TTC29: variants seen among roughly 807,000 people sequenced by gnomAD.
TTC29 encodes the protein tetratricopeptide repeat protein 29.
A neutral mutation model predicts 58.1 loss-of-function variants in TTC29; 49 were observed. The ratio of observed to expected loss-of-function variants is 0.84; its 90% CI spans 0.67 to 1.07. The LOEUF is 1.07. Among genes scored for constraint, TTC29 ranks in the 50% least tolerant of loss-of-function variants. The pLI is 0.00. For missense variants in TTC29, 582 were observed against 555.6 expected, an observed-to-expected ratio of 1.05 and a Z score of -0.48; for synonymous variants, 209 against 196.8, an observed-to-expected ratio of 1.06 and a Z score of -0.52.
At chr4:146,837,185 C>T (rs1728566359) in intron 8 of TTC29, among the ~76,000 whole-genome samples, 1 of 152,110 alleles carries the variant, frequency 6.6e-6, no homozygotes. Flanking sequence ...GAGATCATGT[C>T]CCTTGCAGCA....
intron 8 of TTC29, 51 bp from the exon 9 acceptor site, chr4:146,833,948 G>T: frequency 8.1e-7 from 1 of 1,235,008 alleles, no homozygotes; most frequent in Non-Finnish European, 1.2e-6. Flanking sequence ...CAGATACGCT[G>T]ATGTTTCATT....
intron 11 of TTC29, among the ~76,000 whole-genome samples, chr4:146,791,773 T>A (rs574632182): frequency 6.6e-6 from 1 of 152,268 alleles, no homozygotes; most frequent in East Asian, 1.9e-4. Context: ...GAAAAGAAAG[T>A]TCTTGAAAGA....
rs569625361 is a variant in TTC29 at position 146,894,599 on chromosome 4, G to A, written c.586+8945C>T. Among the ~76,000 whole-genome samples the A allele has an allele frequency of 2.0e-5, 3 of 151,902 alleles. No individual in the cohort carries two copies. The East Asian group carries it at 5.8e-4, about 29-fold the overall frequency. On this transcript the variant is annotated intron_variant, in intron 6 of 12. Transcript: ENST00000325106. ...AATGTTAAATGACGAGTTAATGGGT[G>A]TTGTACACCAACATGGCACATGTAT...
intron 11 of TTC29, among the ~76,000 whole-genome samples, chr4:146,738,650 G>A (rs938501726): frequency 6.6e-6 from 1 of 152,046 alleles, no homozygotes; most frequent in Admixed American, 6.6e-5. Context: ...TGGAGTGTTA[G>A]GTCTCAGGGG....
intron 6 of TTC29, among the ~76,000 whole-genome samples, chr4:146,882,766 G>C (rs1046553596): frequency 6.6e-6 from 1 of 152,062 alleles, no homozygotes; most frequent in East Asian, 1.9e-4. Context: ...AGAGTGAGGA[G>C]AGTTAACTTT....
chr4:146,835,304 AC>A (rs1728433070), intron 8 of TTC29, among the ~76,000 whole-genome samples: 1 of 152,126 alleles, frequency 6.6e-6, no homozygotes, highest in Non-Finnish European at 1.5e-5. Flanking sequence ...ATCTTACATA[AC>A]AAGTAGCACT....
chr4:146,817,285 A>G (rs967564324), intron 10 of TTC29, among the ~76,000 whole-genome samples: 1 of 152,248 alleles, frequency 6.6e-6, no homozygotes, highest in Non-Finnish European at 1.5e-5. Context: ...TTATACACGA[A>G]TAACAGACAA....
chr4:146,732,681 C>T (rs1561070672), intron 11 of TTC29, among the ~76,000 whole-genome samples: 2 of 152,068 alleles, frequency 1.3e-5, no homozygotes, highest in South Asian at 2.1e-4. Flanking sequence ...TTGGAAGGAT[C>T]ATCATGTAGA....
At chr4:146,865,982 A>G (rs964111475) in intron 8 of TTC29, among the ~76,000 whole-genome samples, 1 of 152,214 alleles carries the variant, frequency 6.6e-6, no homozygotes, top group Admixed American at 6.6e-5. Context: ...AGGGTGCAGA[A>G]CAGTGCATAT....
chr4:146,914,981 T>G (rs1734126736), intron 4 of TTC29, among the ~76,000 whole-genome samples: 1 of 152,146 alleles, frequency 6.6e-6, no homozygotes, highest in South Asian at 2.1e-4. Context: ...CTTAAACTAT[T>G]TTGAATAGCT....
At chr4:146,935,311 G>T (rs1735703557) in intron 4 of TTC29, among the ~76,000 whole-genome samples, 1 of 152,048 alleles carries the variant, frequency 6.6e-6, no homozygotes, top group Non-Finnish European at 1.5e-5. Flanking sequence ...GTGTACTATG[G>T]GATATCAAAG....
At chr4:146,930,084 C>CATATATATATATATATATATATATATAT (rs70958534) in intron 4 of TTC29, among the ~76,000 whole-genome samples, 1 of 77,462 alleles carries the variant, frequency 1.3e-5, no homozygotes, top group Non-Finnish European at 2.4e-5. Context: ...TGTGTGTGTG[C>CATATATATATATATATATATATATATAT]ATATATATAT....
chr4:146,783,412 T>C (rs1040471856), intron 11 of TTC29, among the ~76,000 whole-genome samples: 2 of 151,746 alleles, frequency 1.3e-5, no homozygotes, highest in Non-Finnish European at 2.9e-5. Context: ...CCAATGAAAA[T>C]ACTTTTACTT....
intron 4 of TTC29, among the ~76,000 whole-genome samples, chr4:146,933,057 CA>C (rs34870490): frequency 7.3e-4 from 100 of 137,226 alleles, no homozygotes; most frequent in Non-Finnish European, 8.1e-4. Context: ...GACTCCGTCT[CA>C]AAAAAAAAAA....
At chr4:146,810,662 G>C (rs1439626730) in intron 10 of TTC29, among the ~76,000 whole-genome samples, 1 of 141,386 alleles carries the variant, frequency 7.1e-6, no homozygotes, top group Non-Finnish European at 1.5e-5. Context: ...CATGATTTCA[G>C]CTCACGCAAC....
At chr4:146,894,063 C>T (rs1382158732) in intron 6 of TTC29, among the ~76,000 whole-genome samples, 1 of 152,132 alleles carries the variant, frequency 6.6e-6, no homozygotes, top group African/African-American at 2.4e-5. Flanking sequence ...GAAATAGGAA[C>T]ACTTTTACAC....
chr4:146,802,872 T>A (rs1025056627), intron 11 of TTC29, among the ~76,000 whole-genome samples: 6 of 152,180 alleles, frequency 3.9e-5, no homozygotes, highest in Non-Finnish European at 8.8e-5. Flanking sequence ...CCAAACCTAG[T>A]TGGCACATAA....
intron 8 of TTC29, among the ~76,000 whole-genome samples, chr4:146,855,262 A>G (rs899396930): frequency 1.3e-5 from 2 of 151,856 alleles, no homozygotes; most frequent in Non-Finnish European, 2.9e-5. Context: ...GCAAAACCCC[A>G]TCTCTACTAA....
intron 10 of TTC29, among the ~76,000 whole-genome samples, chr4:146,817,379 T>A (rs1251556677): frequency 2.0e-5 from 3 of 152,176 alleles, no homozygotes; most frequent in Admixed American, 6.5e-5. Context: ...TTACAAGGGA[T>A]GTGAAGGACC....
Sources: allele counts gnomAD v4.1 joint callset (sites outside exome capture counted in the v4.1 genomes callset), GRCh38; gene constraint gnomAD v4.1.1; transcripts MANE v1.5; gene names NCBI Gene and HGNC (gene_info 2026-07-23, HGNC 2026-07-21).